The following SPACDR variants were observed in gnomAD, a reference collection of about 807,000 sequenced individuals.
SPACDR encodes the protein sperm acrosome developmental regulator.
At chr7:100,463,958 C>T in the SPACDR span, 1 of 1,606,666 alleles carries the variant, frequency 6.2e-7, no homozygotes, top group Non-Finnish European at 8.5e-7. Context: ...GTCTCAGAAA[C>T]TCACCCAGGA....
chr7:100,461,715 C>T, the SPACDR span, among the ~76,000 whole-genome samples: 30 of 152,070 alleles, frequency 2.0e-4, no homozygotes, highest in Non-Finnish European at 3.2e-4. Context: ...CCTGGCCGGG[C>T]GCAGTGGCTC....
chr7:100,463,686 C>T, the SPACDR span: 2 of 1,613,144 alleles, frequency 1.2e-6, no homozygotes, highest in East Asian at 4.5e-5. Context: ...CAGAAGAAAA[C>T]CTGAGAACCA....
chr7:100,463,832 T>A, the SPACDR span: 1 of 1,294,696 alleles, frequency 7.7e-7, no homozygotes, highest in Non-Finnish European at 1.1e-6. Flanking sequence ...CCAGCTGTCC[T>A]TTCCTTCCTC....
At chr7:100,458,195 GGTGTGTGTGTGTGT>G in the SPACDR span, among the ~76,000 whole-genome samples, 359 of 137,116 alleles carry the variant, frequency 2.6e-3, 1 homozygote, top group African/African-American at 8.8e-3. Flanking sequence ...TGTACTCACT[GGTGTGTGTGTGTGT>G]GTGTGTGTGT....
chr7:100,462,265 G>C, the SPACDR span, among the ~76,000 whole-genome samples: 4 of 151,980 alleles, frequency 2.6e-5, no homozygotes, highest in Non-Finnish European at 5.9e-5. Context: ...CCAGGCTGGA[G>C]TGCAGTGGTG....
chr7:100,458,436 T>C, the SPACDR span, among the ~76,000 whole-genome samples: 1 of 152,006 alleles, frequency 6.6e-6, no homozygotes, highest in Non-Finnish European at 1.5e-5. Context: ...TACAGAACAT[T>C]TGCATCATCA....
At chr7:100,463,931 A>C in the SPACDR span, 1 of 1,596,738 alleles carries the variant, frequency 6.3e-7, no homozygotes, top group East Asian at 2.3e-5. Context: ...ATCCCAGCGC[A>C]TCATGAGGAC....
chr7:100,460,541 G>C, the SPACDR span, among the ~76,000 whole-genome samples: 18 of 151,208 alleles, frequency 1.2e-4, no homozygotes, highest in Admixed American at 7.9e-4. Context: ...CAGTGAACAA[G>C]ATCATGCCAC....
At chr7:100,460,140 C>T in the SPACDR span, among the ~76,000 whole-genome samples, 10 of 151,936 alleles carry the variant, frequency 6.6e-5, no homozygotes, top group Middle Eastern at 0.01. Flanking sequence ...CCACCTGCCT[C>T]GGCCTCCCAA....
the SPACDR span, among the ~76,000 whole-genome samples, chr7:100,459,822 A>T: frequency 2.8e-4 from 42 of 151,762 alleles, no homozygotes; most frequent in African/African-American, 8.0e-4. Context: ...CAGTTTAACC[A>T]TTCACCCACT....
chr7:100,460,208 T>G, the SPACDR span, among the ~76,000 whole-genome samples: 1 of 151,716 alleles, frequency 6.6e-6, no homozygotes, highest in African/African-American at 2.4e-5. Flanking sequence ...GATTTTTGTG[T>G]GAACATAAGA....
chr7:100,459,517 T>C, the SPACDR span, among the ~76,000 whole-genome samples: 1 of 150,278 alleles, frequency 6.7e-6, no homozygotes. Context: ...CTCGAACTCC[T>C]GATCTCAGGT....
At chr7:100,460,079 C>T in the SPACDR span, among the ~76,000 whole-genome samples, 5 of 151,756 alleles carry the variant, frequency 3.3e-5, no homozygotes, top group East Asian at 2.0e-4. Flanking sequence ...TTAGTACAGA[C>T]GGGGTTTCAC....
chr7:100,464,229 C>T, the SPACDR span: 2 of 1,444,240 alleles, frequency 1.4e-6, no homozygotes, highest in Non-Finnish European at 1.8e-6. Flanking sequence ...CTTTTCTCCC[C>T]TCCCTGGGAC....
the SPACDR span, chr7:100,456,752 CT>C: frequency 6.2e-7 from 1 of 1,600,178 alleles, no homozygotes; most frequent in Admixed American, 1.7e-5. Flanking sequence ...GGGGTTCCCC[CT>C]AGAGGGGACT....
At chr7:100,457,803 A>ATGTGTGTGTGTGTGTGTGTG in the SPACDR span, among the ~76,000 whole-genome samples, 770 of 72,506 alleles carry the variant, frequency 0.011, 17 homozygotes, top group East Asian at 0.035. Flanking sequence ...ATATATATAT[A>ATGTGTGTGTGTGTGTGTGTG]TGTGTGTGTG....
chr7:100,457,799 A>ATGTGTGTGTGTGTGTG, the SPACDR span, among the ~76,000 whole-genome samples: 95 of 45,732 alleles, frequency 2.1e-3, no homozygotes, highest in East Asian at 6.8e-3. Context: ...TTTTATATAT[A>ATGTGTGTGTGTGTGTG]TATATGTGTG....
chr7:100,461,986 CAAAA>C, the SPACDR span, among the ~76,000 whole-genome samples: 1 of 59,882 alleles, frequency 1.7e-5, no homozygotes. Context: ...GACTCCGTCT[CAAAA>C]AAAAAAAAAA....
chr7:100,463,480 C>T, the SPACDR span: 1 of 1,613,880 alleles, frequency 6.2e-7, no homozygotes, highest in Non-Finnish European at 8.5e-7. Flanking sequence ...CCAGCTCCAC[C>T]TCGGTCTCCT....
Sources: allele counts gnomAD v4.1 joint callset (sites outside exome capture counted in the v4.1 genomes callset), GRCh38; gene constraint gnomAD v4.1.1; transcripts MANE v1.5; gene names NCBI Gene and HGNC (gene_info 2026-07-23, HGNC 2026-07-21).